The following SRGAP2 variants were observed in gnomAD, a reference collection of about 807,000 sequenced individuals.
The protein encoded by SRGAP2 is SLIT-ROBO Rho GTPase-activating protein 2.
SRGAP2 carries 15 observed loss-of-function variants against 57.2 expected under a neutral mutation model. That is an observed-to-expected ratio of 0.26 (90% CI 0.18 to 0.40). The LOEUF (loss-of-function observed/expected upper bound fraction) is 0.40, where lower values mean the gene tolerates loss of function less well. Among genes scored for constraint, SRGAP2 ranks in the 10% least tolerant of loss-of-function variants. The pLI, the probability that SRGAP2 is intolerant of heterozygous loss-of-function variation, is 1.00. For missense variants in SRGAP2, 520 were observed against 669.6 expected (o/e 0.78, Z 2.47); for synonymous variants, 249 against 248.0 (o/e 1.00, Z -0.04).
chr1:206,262,411 T>G (rs1378518495), intron 2 of SRGAP2, among the ~76,000 whole-genome samples: 1 of 146,154 alleles, frequency 6.8e-6, no homozygotes, highest in Non-Finnish European at 1.5e-5. Flanking sequence ...CTAAAGAATC[T>G]CATGATAGTT....
chr1:206,396,137 C>G (rs1285998006), intron 7 of SRGAP2, among the ~76,000 whole-genome samples: 1 of 151,058 alleles, frequency 6.6e-6, no homozygotes, highest in South Asian at 2.1e-4. Context: ...CACCCGCCAC[C>G]ACGCCCAGCT....
intron 2 of SRGAP2, among the ~76,000 whole-genome samples, chr1:206,210,967 A>G (rs1178904966): frequency 2.0e-5 from 3 of 152,196 alleles, no homozygotes; most frequent in African/African-American, 7.2e-5. Flanking sequence ...GGAAACTTTC[A>G]AGTACCATAC....
At position 206,398,506 on chromosome 1, in the gene SRGAP2, G is replaced by A. The variant is rs575687929; in HGVS notation, c.832-2915G>A. Among the ~76,000 whole-genome samples the A allele has an allele frequency of 4.8e-3, 738 of 152,172 alleles. 6 individuals carry two copies. The highest frequency in any genetic ancestry group is 0.017 in the African/African-American group (702 of 41,486). Reference sequence around the variant, plus strand: ...TGGGAAAACTCCCAGCCTCCCTTTGGCCATAGAGTAAGCAAAACAAATGGC... The same window carrying A: ...TGGGAAAACTCCCAGCCTCCCTTTGACCATAGAGTAAGCAAAACAAATGGC... On this transcript the variant is annotated intron_variant, in intron 7 of 22. Transcript: ENST00000573034.
intron 4 of SRGAP2, among the ~76,000 whole-genome samples, chr1:206,382,688 A>AC (rs1655814695): frequency 6.6e-6 from 1 of 151,722 alleles, no homozygotes; most frequent in Non-Finnish European, 1.5e-5. Flanking sequence ...CAGAAAAAAA[A>AC]GTATTTTTTA....
chr1:206,388,519 G>A (rs1469858961), intron 5 of SRGAP2, among the ~76,000 whole-genome samples: 1 of 150,720 alleles, frequency 6.6e-6, no homozygotes, highest in East Asian at 1.9e-4. Context: ...GATGAAGTCA[G>A]GCTCCTTGAA....
At chr1:206,307,982 G>A (rs1200756908) in intron 3 of SRGAP2, among the ~76,000 whole-genome samples, 6 of 152,076 alleles carry the variant, frequency 3.9e-5, no homozygotes, top group East Asian at 1.9e-4. Context: ...GAGAGCAAGC[G>A]AGGGCTCTGA....
intron 3 of SRGAP2, among the ~76,000 whole-genome samples, chr1:206,306,771 A>C (rs1427835508): frequency 6.6e-6 from 1 of 152,352 alleles, no homozygotes; most frequent in African/African-American, 2.4e-5. Flanking sequence ...CCACCAGAGC[A>C]GCTAGATACA....
At chr1:206,449,872 C>T (rs1196489083) in intron 18 of SRGAP2, among the ~76,000 whole-genome samples, 1 of 152,204 alleles carries the variant, frequency 6.6e-6, no homozygotes, top group Non-Finnish European at 1.5e-5. Flanking sequence ...ATTAAATCCT[C>T]ACACAGCTGA....
chr1:206,334,527 A>AG (rs1553333084), intron 3 of SRGAP2, among the ~76,000 whole-genome samples: 2 of 151,960 alleles, frequency 1.3e-5, no homozygotes, highest in Non-Finnish European at 2.9e-5. Flanking sequence ...GGTATTTGGG[A>AG]GGGGGAGATC....
chr1:206,454,242 A>G lies in SRGAP2; in HGVS notation c.2361-636A>G, dbSNP rs183256857. ...TGATAGCATCGCAAACCTGGTGGCA[A>G]TCTGTGCGTGGACAGGACCCTCCCA... On this transcript the variant is annotated intron_variant, in intron 20 of 22. Transcript: ENST00000573034. The surrounding 1 kb of genome is among the most constrained non-coding windows in gnomAD (Gnocchi z 4.3). The G allele has an allele frequency of 2.6e-5, 18 of 701,778 alleles. No homozygotes were observed. The East Asian group carries it at 4.8e-4, about 19-fold the overall frequency. The allele number at this position is 701,778 out of a possible 1,614,324, so 43.5% of individuals were successfully genotyped here. A position where few individuals can be genotyped will look rare whatever the true frequency, so the allele number is the denominator to read the frequency against.
At chr1:206,460,673 A>G (rs938695903) in intron 22 of SRGAP2, among the ~76,000 whole-genome samples, 3 of 152,156 alleles carry the variant, frequency 2.0e-5, no homozygotes, top group African/African-American at 7.2e-5. Context: ...CTGGATAACA[A>G]ATCCCCATGT....
intron 10 of SRGAP2, among the ~76,000 whole-genome samples, chr1:206,415,669 A>G (rs1659638599): frequency 6.6e-6 from 1 of 152,268 alleles, no homozygotes; most frequent in South Asian, 2.1e-4. Flanking sequence ...TGGCCATCAT[A>G]GAACTCCCAG....
At chr1:206,388,754 C>T (rs1656572684) in intron 5 of SRGAP2, among the ~76,000 whole-genome samples, 1 of 147,562 alleles carries the variant, frequency 6.8e-6, no homozygotes, top group African/African-American at 2.5e-5. Context: ...TTAGACATTT[C>T]CTTTAAATGC....
intron 3 of SRGAP2, among the ~76,000 whole-genome samples, chr1:206,341,929 C>T (rs369568374): frequency 1.2e-4 from 19 of 152,038 alleles, no homozygotes; most frequent in African/African-American, 3.4e-4. Context: ...ACGCGGGAGG[C>T]GGAGGTTGCA....
At chr1:206,446,337 C>G (rs781832032) in intron 18 of SRGAP2, 38 bp downstream of exon 18, 1 of 776,590 alleles carries the variant, frequency 1.3e-6, no homozygotes, top group Admixed American at 1.7e-5. Flanking sequence ...GAGGGATTCA[C>G]TAGCACACAC....
At chr1:206,424,683 A>G (rs1369974193) in intron 13 of SRGAP2, among the ~76,000 whole-genome samples, 2 of 152,096 alleles carry the variant, frequency 1.3e-5, no homozygotes, top group Non-Finnish European at 2.9e-5. Context: ...AATAAAATAA[A>G]CTCAGTTAAC....
intron 2 of SRGAP2, among the ~76,000 whole-genome samples, chr1:206,252,336 T>C (rs1430355437): frequency 1.3e-5 from 2 of 152,160 alleles, no homozygotes; most frequent in Non-Finnish European, 2.9e-5. Flanking sequence ...CAAAAAGATA[T>C]TAGCGCAGCT....
chr1:206,267,785 A>C (rs1272183988), intron 2 of SRGAP2, among the ~76,000 whole-genome samples: 2 of 147,548 alleles, frequency 1.4e-5, no homozygotes, highest in Non-Finnish European at 3.0e-5. Context: ...GAAATTCAAA[A>C]CTGGATAAAG....
At chr1:206,353,811 T>G (rs1553338754) in intron 4 of SRGAP2, among the ~76,000 whole-genome samples, 1 of 146,522 alleles carries the variant, frequency 6.8e-6, no homozygotes, top group Non-Finnish European at 1.5e-5. Context: ...TTTTTTTTTT[T>G]TTTTTTGAGA....
Sources: allele counts gnomAD v4.1 joint callset (sites outside exome capture counted in the v4.1 genomes callset), GRCh38; gene constraint gnomAD v4.1.1; non-coding constraint Gnocchi (gnomAD v3.1); transcripts MANE v1.5; gene names NCBI Gene and HGNC (gene_info 2026-07-23, HGNC 2026-07-21).